The following MRTFB variants were observed in gnomAD, a reference collection of about 807,000 sequenced individuals.
MRTFB encodes the protein myocardin-related transcription factor B.
MRTFB carries 29 observed loss-of-function variants against 104.2 expected under a neutral mutation model. The ratio of observed to expected loss-of-function variants is 0.28; its 90% CI spans 0.21 to 0.38. MRTFB has a LOEUF of 0.38. Ranked by LOEUF, MRTFB falls within the 10% of genes least tolerant of loss-of-function variation. The pLI is 1.00. For synonymous variants in MRTFB, 535 were observed against 519.5 expected (o/e 1.03, Z -0.41); for missense variants, 1,270 against 1,341.6 (o/e 0.95, Z 0.83).
At chr16:14,175,460 G>A (rs895204105) in intron 3 of MRTFB, among the ~76,000 whole-genome samples, 1 of 152,104 alleles carries the variant, frequency 6.6e-6, no homozygotes, top group Non-Finnish European at 1.5e-5. Context: ...TTTCTGAGTA[G>A]CATTCTCCTA....
intron 3 of MRTFB, chr16:14,200,681 A>C: frequency 1.3e-6 from 2 of 1,547,236 alleles, no homozygotes; most frequent in Non-Finnish European, 1.8e-6. Flanking sequence ...TGAATCTAGA[A>C]AGGAGTCCTC....
At chr16:13,995,841 T>C in the MRTFB span, among the ~76,000 whole-genome samples, 1 of 152,016 alleles carries the variant, frequency 6.6e-6, no homozygotes, top group East Asian at 1.9e-4. Flanking sequence ...GCTCCCATGA[T>C]CCAATCACCT....
chr16:14,243,567 A>AG (rs2042874644), intron 10 of MRTFB, among the ~76,000 whole-genome samples: 2 of 152,210 alleles, frequency 1.3e-5, no homozygotes, highest in African/African-American at 4.8e-5. Context: ...GGAAGATGTT[A>AG]GGTGGGGATC....
chr16:14,229,664 GT>G (rs904024651), intron 8 of MRTFB, among the ~76,000 whole-genome samples: 3 of 151,766 alleles, frequency 2.0e-5, no homozygotes, highest in Non-Finnish European at 2.9e-5. Context: ...TCTGACTTCT[GT>G]TTTTTTTATA....
intron 2 of MRTFB, among the ~76,000 whole-genome samples, chr16:14,089,493 G>A (rs2034922113): frequency 6.6e-6 from 1 of 152,160 alleles, no homozygotes; most frequent in Non-Finnish European, 1.5e-5. Context: ...ATTCTGTTGT[G>A]TGGATAATAC....
Position 14,233,994 on chromosome 16 carries a change from T to C in MRTFB, c.694-152T>C. ...CTCCACTGAGGCGTAAAGCATGTTATTCCACCATCTGGCCTCAGACATAAT... is the reference window on the plus strand; with the variant it reads ...CTCCACTGAGGCGTAAAGCATGTTACTCCACCATCTGGCCTCAGACATAAT... On this transcript the variant is annotated intron_variant, in intron 8 of 16. Coordinates refer to ENST00000571589, the MANE Select transcript of MRTFB (RefSeq NM_001308142.2). The C allele has an allele frequency of 4.5e-6, 4 of 891,726 alleles. No homozygotes were observed. The South Asian group carries it at 7.1e-5, about 16-fold the overall frequency. 55.2% of individuals were successfully genotyped at this position (891,726 alleles called of 1,614,324 possible). A position where few individuals can be genotyped will look rare whatever the true frequency, so the allele number is the denominator to read the frequency against.
the MRTFB span, among the ~76,000 whole-genome samples, chr16:14,065,671 G>C: frequency 6.6e-6 from 1 of 152,126 alleles, no homozygotes; most frequent in African/African-American, 2.4e-5. Context: ...CTTGAGCCCA[G>C]GAGTTCAAGG....
At chr16:14,208,581 CCTTTTCTCCTCTCAGTTGTCTTTTT>C in intron 3 of MRTFB, among the ~76,000 whole-genome samples, 1 of 152,230 alleles carries the variant, frequency 6.6e-6, no homozygotes, top group South Asian at 2.1e-4. Context: ...CTGTTCTAAC[CCTTTTCTCCTCTCAGTTGTCTTTTT>C]CTTGAGATTC....
intron 9 of MRTFB, among the ~76,000 whole-genome samples, chr16:14,237,157 T>C (rs1027514125): frequency 6.6e-6 from 1 of 152,142 alleles, no homozygotes; most frequent in East Asian, 1.9e-4. Context: ...GGAATAGAAA[T>C]GTGGGTCATC....
chr16:14,147,519 T>C (rs2038378349), intron 3 of MRTFB, among the ~76,000 whole-genome samples: 1 of 152,194 alleles, frequency 6.6e-6, no homozygotes. Flanking sequence ...AGTGTCTTAT[T>C]TAGACAGTTT....
At chr16:14,046,518 C>A in the MRTFB span, among the ~76,000 whole-genome samples, 1 of 152,034 alleles carries the variant, frequency 6.6e-6, no homozygotes, top group African/African-American at 2.4e-5. Flanking sequence ...AACAGCAAAA[C>A]CTCATATTGG....
chr16:14,042,743 C>G, the MRTFB span, among the ~76,000 whole-genome samples: 43 of 152,242 alleles, frequency 2.8e-4, no homozygotes, highest in Admixed American at 2.3e-3. Flanking sequence ...CTGCCTGTTA[C>G]GTTTCAAACA....
chr16:14,256,419 C>T (rs2043496722), intron 15 of MRTFB, among the ~76,000 whole-genome samples: 1 of 152,180 alleles, frequency 6.6e-6, no homozygotes, highest in South Asian at 2.1e-4. Context: ...GATTTAGCGA[C>T]TCACTTCTAA....
the MRTFB span, among the ~76,000 whole-genome samples, chr16:14,061,891 C>A: frequency 6.6e-6 from 1 of 152,084 alleles, no homozygotes; most frequent in African/African-American, 2.4e-5. Flanking sequence ...AGGGAAGAGG[C>A]ATGCTTATTC....
At chr16:14,239,613 GACA>G (rs2042674530) in intron 9 of MRTFB, among the ~76,000 whole-genome samples, 1 of 152,114 alleles carries the variant, frequency 6.6e-6, no homozygotes, top group African/African-American at 2.4e-5. Flanking sequence ...AAACTGAGAA[GACA>G]ACAAGACCTC....
the MRTFB span, among the ~76,000 whole-genome samples, chr16:14,035,116 G>A: frequency 2.0e-5 from 3 of 152,170 alleles, no homozygotes; most frequent in African/African-American, 4.8e-5. Flanking sequence ...GCAAAACCAC[G>A]AGTAGTGGAA....
At chr16:14,118,344 G>T (rs1244416195) in intron 2 of MRTFB, among the ~76,000 whole-genome samples, 1 of 151,366 alleles carries the variant, frequency 6.6e-6, no homozygotes, top group African/African-American at 2.4e-5. Context: ...GTTTTGCCAT[G>T]TTGCCCAGTC....
Position 14,188,677 on chromosome 16 carries a change from C to T in MRTFB, c.155-21566C>T, listed in dbSNP as rs571461461. On this transcript the variant is annotated intron_variant, in intron 3 of 16. Coordinates refer to ENST00000571589, the MANE Select transcript of MRTFB (RefSeq NM_001308142.2). ...TTCAAATCCTACATGCACCATTTACCGGGTCTGTGATCCTGGACAAGCTTA... is the reference window on the plus strand; with the variant it reads ...TTCAAATCCTACATGCACCATTTACTGGGTCTGTGATCCTGGACAAGCTTA... Among the ~76,000 whole-genome samples, 11 of 152,202 alleles carry T rather than the reference C, an allele frequency of 7.2e-5. No homozygotes were observed. In the East Asian group the frequency reaches 1.5e-3, roughly 21 times the overall value.
rs1177417678 is a variant in MRTFB, at chr16:14,071,340, G to GAGCGGCGGC, written c.-153_-145dup. 8 of 167,674 alleles carry GAGCGGCGGC rather than the reference G, an allele frequency of 4.8e-5. No homozygotes were observed. Among genetic ancestry groups the GAGCGGCGGC allele is most frequent in the Non-Finnish European group, 8.6e-5 (7 of 81,068 alleles). The allele number at this position is 167,674 out of a possible 1,614,324, so 10.4% of individuals were successfully genotyped here. A position where few individuals can be genotyped will look rare whatever the true frequency, so the allele number is the denominator to read the frequency against. On this transcript the variant is annotated 5_prime_UTR_variant, in exon 1 of 17. Coordinates refer to ENST00000571589, the MANE Select transcript of MRTFB (RefSeq NM_001308142.2). The stretch of plus-strand genomic sequence containing the variant: ...TCGCGAGATCGCGCGGCGGCGGCGG[G>GAGCGGCGGC]AGCGGCGGCGGCGGCGGCCGGGGAG...
Sources: allele counts gnomAD v4.1 joint callset (sites outside exome capture counted in the v4.1 genomes callset), GRCh38; gene constraint gnomAD v4.1.1; transcripts MANE v1.5; gene names NCBI Gene and HGNC (gene_info 2026-07-23, HGNC 2026-07-21).